HTR3B: variants seen among roughly 807,000 people sequenced by gnomAD.
HTR3B encodes 5-hydroxytryptamine (serotonin) receptor 3B, ionotropic.
HTR3B carries 44 observed loss-of-function variants against 42.8 expected under a neutral mutation model. The ratio of observed to expected loss-of-function variants is 1.03; its 90% CI spans 0.81 to 1.32. HTR3B has a LOEUF of 1.32. Ranked by LOEUF, HTR3B falls within the 40% of genes most tolerant of loss-of-function variation. The pLI, the probability that HTR3B is intolerant of heterozygous loss-of-function variation, is 0.00. For missense variants in HTR3B, 527 were observed against 536.5 expected (o/e 0.98, Z 0.17); for synonymous variants, 203 against 209.0 (o/e 0.97, Z 0.25).
intron 2 of HTR3B, among the ~76,000 whole-genome samples, chr11:113,921,683 G>T (rs1383458828): frequency 1.3e-5 from 2 of 151,918 alleles, no homozygotes; most frequent in African/African-American, 2.4e-5. Context: ...TGGAAAAGGT[G>T]TAAAGTATTT....
intron 3 of HTR3B, 125 bp downstream of exon 3, chr11:113,931,553 AT>A: frequency 1.4e-6 from 1 of 708,190 alleles, no homozygotes; most frequent in Non-Finnish European, 2.4e-6. Flanking sequence ...AGCAGACCTA[AT>A]GTATTATAAT....
At chr11:113,913,819 A>T (rs1037918102) in intron 2 of HTR3B, among the ~76,000 whole-genome samples, 8 of 152,164 alleles carry the variant, frequency 5.3e-5, no homozygotes, top group African/African-American at 1.9e-4. Flanking sequence ...CGGCCTCCAA[A>T]ATTTCATCTG....
In HTR3B at chr11:113,933,148, C is replaced by T. The variant is rs1950055130; in HGVS notation, c.696+55C>T. ...CCGCTTCTCCCCAGCCTTTGGCCTT[C>T]TCTCTTGGGCCAAGGAATTTCTGCT... On this transcript the variant is annotated intron_variant, in intron 6 of 8. Coordinates refer to ENST00000260191, the MANE Select transcript of HTR3B (RefSeq NM_006028.5). 2.6e-6 allele frequency: 4 copies of T among 1,544,346 alleles called. No homozygotes were observed. In the African/African-American group the frequency reaches 4.1e-5, roughly 16 times the overall value.
At chr11:113,913,790 A>G (rs1949823550) in intron 2 of HTR3B, among the ~76,000 whole-genome samples, 1 of 152,164 alleles carries the variant, frequency 6.6e-6, no homozygotes, top group Non-Finnish European at 1.5e-5. Flanking sequence ...GCTGGATTAC[A>G]GGAGTGAGCC....
At chr11:113,925,417 G>GTTTTTTTT (rs201996305) in intron 2 of HTR3B, among the ~76,000 whole-genome samples, 3 of 100,718 alleles carry the variant, frequency 3.0e-5, no homozygotes, top group African/African-American at 7.6e-5. Flanking sequence ...TTACGAATTT[G>GTTTTTTTT]TTTTTTTTTT....
At chr11:113,941,022 C>T (rs1296615080) in intron 6 of HTR3B, among the ~76,000 whole-genome samples, 1 of 152,198 alleles carries the variant, frequency 6.6e-6, no homozygotes, top group Non-Finnish European at 1.5e-5. Flanking sequence ...CTTAAGGGAG[C>T]TCAGCTTTCC....
At chr11:113,928,276 A>C (rs1949996681) in intron 2 of HTR3B, among the ~76,000 whole-genome samples, 2 of 152,058 alleles carry the variant, frequency 1.3e-5, no homozygotes, top group African/African-American at 4.8e-5. Flanking sequence ...TTCTTTATCC[A>C]GTGTATCATT....
rs1565568364 is a variant in HTR3B, at chr11:113,943,092, C to T, written c.807C>T (p.Ala269=). The change falls in exon 7 of 9, where the codon GCC becomes GCT. Residue 269 remains alanine (A), a synonymous_variant. Coordinates refer to ENST00000260191, the MANE Select transcript of HTR3B (RefSeq NM_006028.5). The part of the protein sequence containing the change: ...GSFYLPPNCR[A]RIVFKTSVLV... ...TCTACCTGCCACCCAACTGCCGAGCCAGGATTGTGTTCAAGACCAGTGTGC... is the reference window on the plus strand; with the variant it reads ...TCTACCTGCCACCCAACTGCCGAGCTAGGATTGTGTTCAAGACCAGTGTGC... 1 of 1,614,144 alleles carries T rather than the reference C, an allele frequency of 6.2e-7. No individual in the cohort carries two copies. The highest frequency in any genetic ancestry group is 1.7e-5 in the Admixed American group (1 of 60,006).
Position 113,947,692 on chromosome 11 carries a change from T to C in HTR3B, c.*1555T>C, listed in dbSNP as rs1591591741. 6.6e-6 allele frequency among the ~76,000 whole-genome samples: 1 copy of C among 152,200 alleles called. No homozygotes were observed. Among genetic ancestry groups the C allele is most frequent in the African/African-American group, 2.4e-5 (1 of 41,450 alleles). On this transcript the variant is annotated 3_prime_UTR_variant, in exon 9 of 9. Coordinates refer to ENST00000260191, the MANE Select transcript of HTR3B (RefSeq NM_006028.5). ...CCATCCTAGTGACCTCTTTTAACCT[T>C]AATCACTTTTTTCAAGGCCCTATGT...
At chr11:113,931,252 T>C in intron 2 of HTR3B, 132 bp from the exon 3 acceptor site, 1 of 687,100 alleles carries the variant, frequency 1.5e-6, no homozygotes, top group Non-Finnish European at 2.6e-6. Flanking sequence ...TTGAAGAGTC[T>C]AGGTAATGTT....
intron 2 of HTR3B, among the ~76,000 whole-genome samples, chr11:113,923,811 A>G (rs1204220702): frequency 6.6e-6 from 1 of 152,160 alleles, no homozygotes; most frequent in African/African-American, 2.4e-5. Flanking sequence ...TTCCTTTGAC[A>G]AAAAAAGATT....
intron 2 of HTR3B, among the ~76,000 whole-genome samples, chr11:113,914,723 T>C (rs1157012349): frequency 6.6e-6 from 1 of 152,116 alleles, no homozygotes; most frequent in African/African-American, 2.4e-5. Flanking sequence ...GACTCTAGTC[T>C]TCTCATCTGG....
intron 6 of HTR3B, 127 bp downstream of exon 6, chr11:113,933,220 C>A: frequency 2.2e-6 from 2 of 910,680 alleles, no homozygotes; most frequent in Non-Finnish European, 3.2e-6. Context: ...GGGACTTCAG[C>A]GGGCTCTGAG....
upstream of HTR3B, among the ~76,000 whole-genome samples, chr11:113,900,868 G>C (rs969733539): frequency 2.6e-5 from 4 of 152,252 alleles, no homozygotes; most frequent in African/African-American, 7.2e-5. Flanking sequence ...ATGGTGGAGA[G>C]AGAGAGAGAA....
At chr11:113,928,292 G>A (rs976848019) in intron 2 of HTR3B, among the ~76,000 whole-genome samples, 1 of 152,054 alleles carries the variant, frequency 6.6e-6, no homozygotes, top group African/African-American at 2.4e-5. Context: ...TCATTGTTGG[G>A]CATTTGGGTT....
At chr11:113,926,669 A>G (rs1949979069) in intron 2 of HTR3B, among the ~76,000 whole-genome samples, 1 of 151,940 alleles carries the variant, frequency 6.6e-6, no homozygotes, top group South Asian at 2.1e-4. Flanking sequence ...CTGGGATCAC[A>G]GGTGTGCGCC....
intron 2 of HTR3B, among the ~76,000 whole-genome samples, chr11:113,910,770 C>T (rs1298222724): frequency 1.3e-5 from 2 of 149,900 alleles, no homozygotes; most frequent in Admixed American, 6.7e-5. Context: ...TTACTGAGCT[C>T]GTTTTGTTAA....
In HTR3B at chr11:113,946,340, GTAAATAAATAAATAAA is replaced by G. The variant is rs58093170; in HGVS notation, c.*230_*245del. On this transcript the variant is annotated 3_prime_UTR_variant, in exon 9 of 9. Transcript: ENST00000260191. The stretch of plus-strand genomic sequence containing the variant: ...ACATAGTGAGACCACATCTCTACCA[GTAAATAAATAAATAAA>G]TAAATAAATAAATAAATAAATAAAT... 354 of 234,024 alleles carry G rather than the reference GTAAATAAATAAATAAA, an allele frequency of 1.5e-3. 8 individuals are homozygous for G. Among genetic ancestry groups the G allele is most frequent in the South Asian group, 5.9e-3 (75 of 12,666 alleles). 14.5% of individuals were successfully genotyped at this position (234,024 alleles called of 1,614,324 possible). A position where few individuals can be genotyped will look rare whatever the true frequency, so the allele number is the denominator to read the frequency against.
chr11:113,941,241 A>G (rs1950132533), intron 6 of HTR3B, among the ~76,000 whole-genome samples: 1 of 152,226 alleles, frequency 6.6e-6, no homozygotes, highest in South Asian at 2.1e-4. Flanking sequence ...TTTGTTTAAT[A>G]AACATTTATT....
Sources: gnomAD v4.1 joint callset for allele counts (sites outside exome capture counted in the v4.1 genomes callset) on GRCh38, gnomAD v4.1.1 for gene constraint, MANE v1.5 for transcripts, NCBI Gene and HGNC (gene_info 2026-07-23, HGNC 2026-07-21) for gene names.